The following HTR3B variants were observed in gnomAD, a reference collection of about 807,000 sequenced individuals.
HTR3B encodes the protein 5-hydroxytryptamine receptor 3B, also known as 5-hydroxytryptamine (serotonin) receptor 3B, ionotropic.
A neutral mutation model predicts 42.8 loss-of-function variants in HTR3B; 44 were observed. The ratio of observed to expected loss-of-function variants is 1.03; its 90% confidence interval spans 0.81 to 1.32. The LOEUF (loss-of-function observed/expected upper bound fraction) is 1.32. Among genes scored for constraint, HTR3B ranks in the 40% most tolerant of loss-of-function variants. The probability of loss-of-function intolerance (pLI) is 0.00; values close to 1 mark genes in which losing one functional copy is unlikely to be tolerated. For synonymous variants in HTR3B, 203 were observed against 209.0 expected, an observed-to-expected ratio of 0.97 and a Z score of 0.25; for missense variants, 527 against 536.5, an observed-to-expected ratio of 0.98 and a Z score of 0.17.
intron 1 of HTR3B, among the ~76,000 whole-genome samples, chr11:113,906,368 C>T (rs1311996515): frequency 6.6e-6 from 1 of 152,234 alleles, no homozygotes; most frequent in African/African-American, 2.4e-5. Context: ...ATTCCTGCTT[C>T]ACCACTCACC....
At chr11:113,913,568 G>A (rs1348732326) in intron 2 of HTR3B, among the ~76,000 whole-genome samples, 1 of 151,652 alleles carries the variant, frequency 6.6e-6, no homozygotes, top group East Asian at 1.9e-4. Flanking sequence ...AGGCTGGAGT[G>A]CAATGGCGCA....
At chr11:113,934,719 C>T (rs1950074005) in intron 6 of HTR3B, among the ~76,000 whole-genome samples, 1 of 150,790 alleles carries the variant, frequency 6.6e-6, no homozygotes, top group South Asian at 2.1e-4. Flanking sequence ...GCCTGTTTGT[C>T]CACTTTTCTT....
intron 6 of HTR3B, among the ~76,000 whole-genome samples, chr11:113,940,744 G>C (rs1950128403): frequency 6.6e-6 from 1 of 152,184 alleles, no homozygotes; most frequent in African/African-American, 2.4e-5. Flanking sequence ...TTATCAGCAA[G>C]GTGATGTTTC....
At chr11:113,912,412 T>C (rs1353554314) in intron 2 of HTR3B, among the ~76,000 whole-genome samples, 2 of 152,038 alleles carry the variant, frequency 1.3e-5, no homozygotes, top group African/African-American at 4.8e-5. Context: ...CCCAGCTAAT[T>C]TTTTGTATTT....
intron 2 of HTR3B, among the ~76,000 whole-genome samples, chr11:113,914,047 T>A (rs12270442): frequency 0.11 from 16,191 of 146,738 alleles, 926 homozygotes; most frequent in African/African-American, 0.15. Flanking sequence ...AAATATATTT[T>A]TTTTTTTTTT....
intron 8 of HTR3B, among the ~76,000 whole-genome samples, chr11:113,945,310 T>G (rs1950168185): frequency 6.6e-6 from 1 of 152,074 alleles, no homozygotes; most frequent in Admixed American, 6.6e-5. Flanking sequence ...AATTTTTGTA[T>G]TTTTAGTAGA....
chr11:113,944,604 G>C lies in HTR3B; in HGVS notation c.939G>C (p.Leu313Phe). ...GHFFTICMAF[L>F]VLSLAKSIVL... ...TCTTCACCATCTGCATGGCCTTCTT[G>C]GTTCTCAGCTTAGCTAAGTCCATCG... is the stretch of plus-strand genomic sequence containing the variant. Residue 313 changes from leucine (L) to phenylalanine (F), a missense_variant, in exon 8 of 9, where the codon TTG (leucine) becomes TTC (phenylalanine). Coordinates refer to ENST00000260191, the MANE Select transcript of HTR3B (RefSeq NM_006028.5). 1 of 1,614,128 alleles carries C rather than the reference G, an allele frequency of 6.2e-7. No homozygotes were observed. The highest frequency in any genetic ancestry group is 1.6e-4 in the Middle Eastern group (1 of 6,062).
chr11:113,902,713 A>G (rs552421382), upstream of HTR3B, among the ~76,000 whole-genome samples: 22 of 152,334 alleles, frequency 1.4e-4, no homozygotes, highest in Non-Finnish European at 2.9e-5. Context: ...CATTACTACC[A>G]TCTAATCCAC....
the HTR3B span, among the ~76,000 whole-genome samples, chr11:113,899,432 A>T: frequency 6.6e-6 from 1 of 152,318 alleles, no homozygotes. Context: ...TTTTTCCTCC[A>T]GCCTGACCAG....
chr11:113,934,539 AG>A (rs2137526774), intron 6 of HTR3B, among the ~76,000 whole-genome samples: 1 of 152,348 alleles, frequency 6.6e-6, no homozygotes, highest in East Asian at 1.9e-4. Context: ...AGGTGTATAC[AG>A]CTTTCCAGCA....
chr11:113,918,426 A>C (rs1176755), intron 2 of HTR3B, among the ~76,000 whole-genome samples: 8,068 of 151,562 alleles, frequency 0.053, 670 homozygotes, highest in African/African-American at 0.18. Context: ...CTCTCTGCTG[A>C]CTCCTAACCC....
At chr11:113,905,041 G>A (rs2137479770) in intron 1 of HTR3B, 56 bp downstream of exon 1, 1 of 1,259,988 alleles carries the variant, frequency 7.9e-7, no homozygotes, top group South Asian at 1.2e-5. Context: ...AGAAGATAGA[G>A]ACAATATTTG....
In HTR3B at chr11:113,946,193, A is replaced by G. The variant is rs1205960759; in HGVS notation, c.*56A>G. On this transcript the variant is annotated 3_prime_UTR_variant, in exon 9 of 9. Transcript: ENST00000260191. ...GCACTTAGGAGAGAGAGGAGGGGGA[A>G]TAATAGTGGGTTAAAAAGCTTTCTG... 2 of 1,402,328 alleles carry G rather than the reference A, an allele frequency of 1.4e-6. No homozygotes were observed. The highest frequency in any genetic ancestry group is 2.0e-6 in the Non-Finnish European group (2 of 995,584). 86.9% of individuals were successfully genotyped at this position (1,402,328 alleles called of 1,614,324 possible).
At chr11:113,935,278 C>T (rs1323389532) in intron 6 of HTR3B, among the ~76,000 whole-genome samples, 1 of 152,016 alleles carries the variant, frequency 6.6e-6, no homozygotes, top group Non-Finnish European at 1.5e-5. Context: ...TGCCATGCTT[C>T]CCCCCGGGTA....
chr11:113,921,052 A>T (rs775591922), intron 2 of HTR3B, among the ~76,000 whole-genome samples: 18 of 150,834 alleles, frequency 1.2e-4, no homozygotes, highest in Non-Finnish European at 1.9e-4. Flanking sequence ...ACCGCAAGTG[A>T]TCCACCCACC....
chr11:113,943,724 G>A (rs957659381), intron 7 of HTR3B, among the ~76,000 whole-genome samples: 2 of 151,790 alleles, frequency 1.3e-5, no homozygotes, highest in African/African-American at 4.8e-5. Flanking sequence ...GAGGCAGGAG[G>A]ATTGCTTGAG....
chr11:113,941,419 C>T (rs1158828206), intron 6 of HTR3B, among the ~76,000 whole-genome samples: 1 of 152,126 alleles, frequency 6.6e-6, no homozygotes, highest in East Asian at 1.9e-4. Context: ...ATTAAAGACA[C>T]TTGCCATCAT....
chr11:113,912,364 C>A (rs1949803882), intron 2 of HTR3B, among the ~76,000 whole-genome samples: 2 of 152,146 alleles, frequency 1.3e-5, no homozygotes, highest in South Asian at 4.1e-4. Context: ...CTGCCTCAGC[C>A]TCCGGAACAG....
intron 2 of HTR3B, among the ~76,000 whole-genome samples, chr11:113,925,293 A>G (rs1949958527): frequency 6.6e-6 from 1 of 152,222 alleles, no homozygotes; most frequent in Non-Finnish European, 1.5e-5. Context: ...CATGCCATCA[A>G]CTTCCTAAAC....
Sources: gnomAD v4.1 joint callset for allele counts (sites outside exome capture counted in the v4.1 genomes callset) on GRCh38, gnomAD v4.1.1 for gene constraint, MANE v1.5 for transcripts, NCBI Gene and HGNC (gene_info 2026-07-23, HGNC 2026-07-21) for gene names.